ADAMTS17: variants seen among roughly 807,000 people sequenced by gnomAD.
ADAMTS17 encodes A disintegrin and metalloproteinase with thrombospondin motifs 17.
In ADAMTS17, 113 loss-of-function variants were observed where a neutral mutation model predicts 141.5. The ratio of observed to expected loss-of-function variants is 0.80; its 90% confidence interval spans 0.69 to 0.93. The LOEUF (loss-of-function observed/expected upper bound fraction) is 0.93. Among genes scored for constraint, ADAMTS17 ranks in the 40% least tolerant of loss-of-function variants. The probability of loss-of-function intolerance (pLI) is 0.00; values close to 1 mark genes in which losing one functional copy is unlikely to be tolerated. For missense variants in ADAMTS17, 1,659 were observed against 1,517.9 expected, an observed-to-expected ratio of 1.09 and a Z score of -1.54; for synonymous variants, 768 against 630.6, an observed-to-expected ratio of 1.22 and a Z score of -3.27.
intron 15 of ADAMTS17, among the ~76,000 whole-genome samples, chr15:100,075,770 C>T (rs1419085659): frequency 6.6e-6 from 1 of 152,148 alleles, no homozygotes; most frequent in Non-Finnish European, 1.5e-5. Context: ...TTCTGCAGTG[C>T]TCATTTGATC....
intron 4 of ADAMTS17, among the ~76,000 whole-genome samples, chr15:100,278,659 G>A (rs1345780270): frequency 6.6e-6 from 1 of 152,200 alleles, no homozygotes; most frequent in Non-Finnish European, 1.5e-5. Context: ...TTCCTGCAGA[G>A]AGAGGCATGT....
chr15:100,206,544 T>A (rs1434809908), intron 7 of ADAMTS17, among the ~76,000 whole-genome samples: 1 of 152,230 alleles, frequency 6.6e-6, no homozygotes, highest in Non-Finnish European at 1.5e-5. Flanking sequence ...GTGACAGCTT[T>A]CAGCCTCCTC....
chr15:100,177,946 G>T (rs2040394875), intron 8 of ADAMTS17, among the ~76,000 whole-genome samples: 1 of 151,988 alleles, frequency 6.6e-6, no homozygotes, highest in Non-Finnish European at 1.5e-5. Context: ...TCTTTCCTCT[G>T]AAGTCTACTT....
At chr15:100,058,400 G>C (rs1479118461) in intron 15 of ADAMTS17, among the ~76,000 whole-genome samples, 1 of 63,210 alleles carries the variant, frequency 1.6e-5, no homozygotes, top group Non-Finnish European at 3.3e-5. Flanking sequence ...CTGAGGAGGT[G>C]ACTCTTTCTC....
At chr15:100,025,539 G>A (rs910162077) in intron 18 of ADAMTS17, among the ~76,000 whole-genome samples, 9 of 151,520 alleles carry the variant, frequency 5.9e-5, no homozygotes, top group Non-Finnish European at 1.3e-4. Context: ...AGCCTCCCCA[G>A]TAGCTGGGAT....
intron 3 of ADAMTS17, among the ~76,000 whole-genome samples, chr15:100,312,155 G>C (rs117611582): frequency 0.011 from 1,624 of 152,332 alleles, 19 homozygotes; most frequent in Non-Finnish European, 0.013. Context: ...ACGGGGCTTT[G>C]CAAATGTGAT....
rs368032798 is a variant in ADAMTS17, at chr15:99,993,032, A to G, written c.2949+16T>C. On this transcript the variant is annotated intron_variant, in intron 20 of 21. Coordinates refer to ENST00000268070, the MANE Select transcript of ADAMTS17 (RefSeq NM_139057.4). The surrounding 1 kb of genome is among the most constrained non-coding windows in gnomAD (Gnocchi z 4.3). ...GCACTGCGGCACGGAGAGAAATGCC[A>G]GCAGGCTGCTCTCACCGTAGACCAG... 42 of 1,613,924 alleles carry G rather than the reference A, an allele frequency of 2.6e-5. No homozygotes were observed. The highest frequency in any genetic ancestry group is 3.5e-5 in the Non-Finnish European group (41 of 1,180,022).
At chr15:100,112,051 C>T (rs2036820210) in intron 13 of ADAMTS17, among the ~76,000 whole-genome samples, 1 of 152,288 alleles carries the variant, frequency 6.6e-6, no homozygotes, top group Non-Finnish European at 1.5e-5. Context: ...TCCTCTGATT[C>T]GAGTAGAAGT....
At chr15:100,101,688 A>G (rs2036111705) in intron 14 of ADAMTS17, among the ~76,000 whole-genome samples, 1 of 152,256 alleles carries the variant, frequency 6.6e-6, no homozygotes, top group South Asian at 2.1e-4. Context: ...GTAAGAGCAT[A>G]CAAATGATGA....
intron 8 of ADAMTS17, 135 bp from the exon 9 acceptor site, chr15:100,155,455 C>G (rs1206881813): frequency 8.4e-7 from 1 of 1,196,910 alleles, no homozygotes; most frequent in Non-Finnish European, 1.2e-6. Flanking sequence ...GGTTCTCACA[C>G]AGCAGACCCA....
chr15:100,016,914 G>A (rs563798284), intron 18 of ADAMTS17, among the ~76,000 whole-genome samples: 2 of 152,224 alleles, frequency 1.3e-5, no homozygotes, highest in African/African-American at 2.4e-5. Context: ...TGGCAGGTGG[G>A]GCCCTAGAAC....
chr15:100,322,214 A>G (rs1275128677), intron 3 of ADAMTS17, among the ~76,000 whole-genome samples: 6 of 152,328 alleles, frequency 3.9e-5, no homozygotes, highest in African/African-American at 1.4e-4. Context: ...GAAAGCTTGC[A>G]GCCCCTGTGA....
chr15:100,053,320 C>T (rs918971239), intron 16 of ADAMTS17, among the ~76,000 whole-genome samples: 6 of 152,132 alleles, frequency 3.9e-5, no homozygotes, highest in African/African-American at 9.7e-5. Flanking sequence ...ACAGGTAAGA[C>T]GGCGCCCTGG....
At chr15:100,067,724 A>G (rs1013512706) in intron 15 of ADAMTS17, among the ~76,000 whole-genome samples, 3 of 151,994 alleles carry the variant, frequency 2.0e-5, no homozygotes, top group Admixed American at 6.6e-5. Context: ...CCTACCTTTT[A>G]TCTTTTAACC....
At chr15:100,009,830 G>C (rs1392809689) in intron 18 of ADAMTS17, among the ~76,000 whole-genome samples, 1 of 152,124 alleles carries the variant, frequency 6.6e-6, no homozygotes, top group Non-Finnish European at 1.5e-5. Context: ...AGACATGAGG[G>C]ACAGAACACT....
At chr15:100,297,067 G>A (rs73484191) in intron 3 of ADAMTS17, among the ~76,000 whole-genome samples, 13,247 of 152,242 alleles carry the variant, frequency 0.087, 674 homozygotes, top group Non-Finnish European at 0.11. Flanking sequence ...CCTTCCCCAA[G>A]GCAGTGATGC....
chr15:100,147,254 G>C (rs529486656), intron 10 of ADAMTS17, among the ~76,000 whole-genome samples: 2 of 152,216 alleles, frequency 1.3e-5, no homozygotes, highest in South Asian at 4.2e-4. Flanking sequence ...CAAACCAGCT[G>C]ATGCTTAAGG....
intron 18 of ADAMTS17, among the ~76,000 whole-genome samples, chr15:100,021,817 T>C (rs1374685665): frequency 6.6e-6 from 1 of 152,058 alleles, no homozygotes; most frequent in South Asian, 2.1e-4. Flanking sequence ...TCCCAGGCTG[T>C]TGGCTGTTCC....
chr15:100,334,457 C>T (rs184725117), intron 2 of ADAMTS17, among the ~76,000 whole-genome samples: 77 of 152,228 alleles, frequency 5.1e-4, no homozygotes, highest in East Asian at 1.9e-3. Context: ...ATAGGGCCAA[C>T]GGGGTGGTGA....
Sources: allele counts gnomAD v4.1 joint callset (sites outside exome capture counted in the v4.1 genomes callset), GRCh38; gene constraint gnomAD v4.1.1; non-coding constraint Gnocchi (gnomAD v3.1); transcripts MANE v1.5; gene names NCBI Gene and HGNC (gene_info 2026-07-23, HGNC 2026-07-21).